DNAH11: variants seen among roughly 807,000 people sequenced by gnomAD.
DNAH11 encodes the protein axonemal beta dynein heavy chain 11.
A neutral mutation model predicts 526.0 loss-of-function variants in DNAH11; 442 were observed. The ratio of observed to expected loss-of-function variants is 0.84; its 90% CI spans 0.78 to 0.91. The LOEUF (loss-of-function observed/expected upper bound fraction) is 0.91, where lower values mean the gene tolerates loss of function less well. Among genes scored for constraint, DNAH11 ranks in the 40% least tolerant of loss-of-function variants. The pLI, the probability that DNAH11 is intolerant of heterozygous loss-of-function variation, is 0.00. For missense variants in DNAH11, 6,989 were observed against 5,448.7 expected (o/e 1.28, Z -8.90); for synonymous variants, 2,461 against 1,935.9 (o/e 1.27, Z -7.12).
At chr7:21,733,921 A>G (rs147178702) in intron 45 of DNAH11, among the ~76,000 whole-genome samples, 67 of 152,288 alleles carry the variant, frequency 4.4e-4, no homozygotes, top group Middle Eastern at 3.4e-3. Context: ...AGGATGACCA[A>G]CAGTTCTAGT....
At chr7:21,866,779 C>A in intron 71 of DNAH11, 116 bp downstream of exon 71, 2 of 1,133,590 alleles carry the variant, frequency 1.8e-6, no homozygotes, top group Non-Finnish European at 2.4e-6. Flanking sequence ...GGGAGTGATT[C>A]TGCTGAGATT....
intron 34 of DNAH11, among the ~76,000 whole-genome samples, chr7:21,690,391 A>G (rs556455376): frequency 1.3e-5 from 2 of 152,322 alleles, no homozygotes; most frequent in Admixed American, 6.5e-5. Context: ...TCCTCTTAGT[A>G]TGGGCATTCT....
chr7:21,803,591 C>A (rs1009125829), intron 62 of DNAH11, among the ~76,000 whole-genome samples: 7 of 129,374 alleles, frequency 5.4e-5, no homozygotes, highest in Non-Finnish European at 4.8e-5. Flanking sequence ...CCACCCCACA[C>A]CTCCTGCCCA....
intron 20 of DNAH11, among the ~76,000 whole-genome samples, chr7:21,611,227 G>C (rs559636103): frequency 2.0e-5 from 3 of 152,248 alleles, no homozygotes; most frequent in Admixed American, 6.5e-5. Context: ...TTGGACATCA[G>C]AATTCCAGTG....
At chr7:21,814,512 C>T (rs1789685706) in intron 63 of DNAH11, among the ~76,000 whole-genome samples, 1 of 111,842 alleles carries the variant, frequency 8.9e-6, no homozygotes, top group Admixed American at 1.1e-4. Context: ...CTATCCCTCC[C>T]CCCTCCCCCC....
At chr7:21,693,172 A>G (rs979388917) in intron 35 of DNAH11, among the ~76,000 whole-genome samples, 2 of 152,212 alleles carry the variant, frequency 1.3e-5, no homozygotes, top group African/African-American at 4.8e-5. Context: ...CCAAGCTTGC[A>G]AAAATTTTTA....
At position 21,717,827 on chromosome 7, in the gene DNAH11, T is replaced by A. The variant is rs374842931; in HGVS notation, c.7036T>A (p.Leu2346Met). The change falls in exon 43 of 82, where the codon TTG (leucine) becomes ATG (methionine). Residue 2346 changes from leucine (L) to methionine (M), a missense_variant. Coordinates refer to ENST00000409508, the MANE Select transcript of DNAH11 (RefSeq NM_001277115.2). Reference sequence around the variant, plus strand: ...GCGGCATCAATCAGAAAAGGCCAATTTGACTATTCTTTTTGATAAATATGT... The same window carrying A: ...GCGGCATCAATCAGAAAAGGCCAATATGACTATTCTTTTTGATAAATATGT... ...RRRHQSEKAN[L>M]TILFDKYVPA... 4 of 1,613,768 alleles carry A rather than the reference T, an allele frequency of 2.5e-6. No individual in the cohort carries two copies. Among genetic ancestry groups the A allele is most frequent in the African/African-American group, 2.7e-5 (2 of 74,910 alleles).
intron 79 of DNAH11, among the ~76,000 whole-genome samples, chr7:21,896,992 T>C (rs1302573166): frequency 6.6e-6 from 1 of 152,090 alleles, no homozygotes; most frequent in Non-Finnish European, 1.5e-5. Context: ...GTAGGATTGC[T>C]TGAGCCCAAG....
chr7:21,741,434 G>A (rs1013183042), intron 48 of DNAH11, among the ~76,000 whole-genome samples: 5 of 152,292 alleles, frequency 3.3e-5, no homozygotes, highest in African/African-American at 4.8e-5. Flanking sequence ...TTGTGTTTGC[G>A]TAGAAGCTTT....
chr7:21,574,907 C>T (rs796988766), intron 8 of DNAH11, among the ~76,000 whole-genome samples: 2 of 106,804 alleles, frequency 1.9e-5, no homozygotes, highest in Admixed American at 1.3e-4. Context: ...GACAGTTTCA[C>T]TCTGTCACCC....
chr7:21,822,351 A>C (rs965647176), intron 65 of DNAH11, among the ~76,000 whole-genome samples: 4 of 152,076 alleles, frequency 2.6e-5, no homozygotes, highest in African/African-American at 9.7e-5. Flanking sequence ...AGGCTCTTTT[A>C]AACAACCATA....
chr7:21,764,389 C>G (rs1289702451), intron 54 of DNAH11, among the ~76,000 whole-genome samples: 1 of 152,086 alleles, frequency 6.6e-6, no homozygotes, highest in Non-Finnish European at 1.5e-5. Flanking sequence ...CATCAATTGC[C>G]TGATCTCAAA....
At chr7:21,868,126 G>GGTTTT (rs1783357401) in intron 72 of DNAH11, 119 bp downstream of exon 72, 1 of 804,444 alleles carries the variant, frequency 1.2e-6, no homozygotes. Flanking sequence ...TTTTTAATTT[G>GGTTTT]TTGAAGATTG....
At chr7:21,728,725 G>C (rs1431995894) in intron 45 of DNAH11, among the ~76,000 whole-genome samples, 1 of 152,208 alleles carries the variant, frequency 6.6e-6, no homozygotes, top group Non-Finnish European at 1.5e-5. Context: ...TACAAAACCA[G>C]AGAAGTTACC....
chr7:21,769,308 C>T (rs1292649000), intron 55 of DNAH11, among the ~76,000 whole-genome samples: 1 of 152,178 alleles, frequency 6.6e-6, no homozygotes, highest in Non-Finnish European at 1.5e-5. Flanking sequence ...GGAATCTGGA[C>T]ATGAATATTC....
intron 71 of DNAH11, among the ~76,000 whole-genome samples, chr7:21,866,923 C>T (rs943986424): frequency 2.0e-5 from 3 of 152,150 alleles, no homozygotes; most frequent in African/African-American, 4.8e-5. Flanking sequence ...TGGAAATATT[C>T]CTGGAAGAGA....
At chr7:21,778,885 C>A in intron 56 of DNAH11, 73 bp from the exon 57 acceptor site, 1 of 1,533,836 alleles carries the variant, frequency 6.5e-7, no homozygotes, top group Non-Finnish European at 8.9e-7. Context: ...TGAATTCATT[C>A]CCAGCAATAA....
chr7:21,628,983 G>T (rs1161424848), intron 25 of DNAH11, among the ~76,000 whole-genome samples: 1 of 151,874 alleles, frequency 6.6e-6, no homozygotes, highest in African/African-American at 2.4e-5. Flanking sequence ...AGTTCCTTGA[G>T]GTGTATTGTT....
chr7:21,758,539 C>G (rs1327756814), intron 54 of DNAH11, among the ~76,000 whole-genome samples: 2 of 152,038 alleles, frequency 1.3e-5, no homozygotes, highest in Admixed American at 1.3e-4. Flanking sequence ...CTAGAGCCAC[C>G]TCATTCAATC....
Sources: allele counts gnomAD v4.1 joint callset (sites outside exome capture counted in the v4.1 genomes callset), GRCh38; gene constraint gnomAD v4.1.1; transcripts MANE v1.5; gene names NCBI Gene and HGNC (gene_info 2026-07-23, HGNC 2026-07-21).